The following CD2AP variants were observed in gnomAD, a reference collection of about 807,000 sequenced individuals.
CD2AP encodes CD2 associated protein.
Under a neutral mutation model 85.1 loss-of-function variants are expected in CD2AP, and 46 were observed. The ratio of observed to expected loss-of-function variants is 0.54; its 90% confidence interval spans 0.43 to 0.69. The LOEUF is 0.69. Among genes scored for constraint, CD2AP ranks in the 30% least tolerant of loss-of-function variants. The probability of loss-of-function intolerance (pLI) is 0.00; values close to 1 mark genes in which losing one functional copy is unlikely to be tolerated. For missense variants in CD2AP, 769 were observed against 729.5 expected (o/e 1.05, Z -0.62); for synonymous variants, 255 against 252.9 (o/e 1.01, Z -0.08).
intron 13 of CD2AP, among the ~76,000 whole-genome samples, chr6:47,603,409 T>C (rs185326860): frequency 4.9e-4 from 75 of 152,184 alleles, no homozygotes; most frequent in African/African-American, 1.7e-3. Flanking sequence ...GATTTAGTTA[T>C]AACTACATTA....
chr6:47,564,320 A>AGT (rs146402480), intron 5 of CD2AP, among the ~76,000 whole-genome samples: 2,966 of 152,252 alleles, frequency 0.019, 93 homozygotes, highest in African/African-American at 0.066. Flanking sequence ...AAAGCATATG[A>AGT]GTGAAATGAT....
At chr6:47,599,557 TA>T (rs1179910796) in intron 13 of CD2AP, 114 bp downstream of exon 13, 1 of 950,606 alleles carries the variant, frequency 1.1e-6, no homozygotes, top group East Asian at 2.6e-5. Flanking sequence ...AAGTTGAAAT[TA>T]CACAGTTGAA....
intron 1 of CD2AP, among the ~76,000 whole-genome samples, chr6:47,487,265 A>T (rs532358420): frequency 2.6e-5 from 4 of 152,334 alleles, no homozygotes; most frequent in African/African-American, 9.6e-5. Flanking sequence ...TGTCAAATGG[A>T]AATAAAAGGC....
At chr6:47,587,645 C>G (rs1275361444) in intron 11 of CD2AP, among the ~76,000 whole-genome samples, 2 of 152,076 alleles carry the variant, frequency 1.3e-5, no homozygotes, top group African/African-American at 4.8e-5. Context: ...AGATACTCAT[C>G]ATGTCATTGG....
At chr6:47,512,735 A>T (rs933205380) in intron 2 of CD2AP, among the ~76,000 whole-genome samples, 1 of 152,210 alleles carries the variant, frequency 6.6e-6, no homozygotes, top group Non-Finnish European at 1.5e-5. Context: ...AACATTACAG[A>T]TGAGATTGAG....
intron 3 of CD2AP, 136 bp from the exon 4 acceptor site, chr6:47,544,470 A>AT (rs1767313839): frequency 1.6e-6 from 1 of 638,586 alleles, no homozygotes; most frequent in South Asian, 2.0e-5. Context: ...GCTGATTGTG[A>AT]TTAGCTGTTT....
chr6:47,543,148 CAAAAAAA>C (rs11338409), intron 3 of CD2AP, among the ~76,000 whole-genome samples: 16 of 60,336 alleles, frequency 2.7e-4, no homozygotes, highest in African/African-American at 7.0e-4. Context: ...AAGACTGTCT[CAAAAAAA>C]AAAAAAAAAA....
chr6:47,521,609 T>C (rs1220629695), intron 2 of CD2AP, among the ~76,000 whole-genome samples: 1 of 152,196 alleles, frequency 6.6e-6, no homozygotes, highest in Admixed American at 6.5e-5. Context: ...AGCTAGTGTT[T>C]GGAAAAGTTT....
chr6:47,571,041 G>C (rs1187900501), intron 5 of CD2AP, among the ~76,000 whole-genome samples: 1 of 150,610 alleles, frequency 6.6e-6, no homozygotes, highest in East Asian at 1.9e-4. Context: ...TTTGTTTTAT[G>C]GCCTTAATCA....
chr6:47,544,796 G>T, intron 4 of CD2AP, 90 bp downstream of exon 4: 1 of 801,544 alleles, frequency 1.2e-6, no homozygotes, highest in South Asian at 1.5e-5. Context: ...TTAGTCTTTT[G>T]TGAGAACTGT....
At chr6:47,505,905 C>T (rs1200906896) in intron 2 of CD2AP, among the ~76,000 whole-genome samples, 1 of 115,506 alleles carries the variant, frequency 8.7e-6, no homozygotes, top group African/African-American at 3.5e-5. Context: ...GGGGCTGACC[C>T]CCCCCACCTC....
rs1019853467 is a variant in CD2AP, at chr6:47,624,992, T to G, written c.*765T>G. The G allele has an allele frequency of 1.6e-4, 25 of 151,960 alleles. No homozygotes were observed. Among genetic ancestry groups the G allele is most frequent in the African/African-American group, 6.0e-4 (25 of 41,428 alleles). The allele number at this position is 151,960 out of a possible 1,614,324, so 9.4% of individuals were successfully genotyped here. On this transcript the variant is annotated 3_prime_UTR_variant, in exon 18 of 18. Transcript: ENST00000359314. ...GGATTGTTAAACATTTGGGGAAATA[T>G]GAACTGTATTTTAAATTTGTTAGGT...
At chr6:47,520,657 T>TTA (rs1284197661) in intron 2 of CD2AP, among the ~76,000 whole-genome samples, 3 of 151,766 alleles carry the variant, frequency 2.0e-5, no homozygotes, top group Non-Finnish European at 4.4e-5. Flanking sequence ...GGGCGCCTTA[T>TTA]TATAGCCTGA....
At chr6:47,547,582 G>A (rs1323923017) in intron 4 of CD2AP, among the ~76,000 whole-genome samples, 2 of 151,828 alleles carry the variant, frequency 1.3e-5, no homozygotes, top group East Asian at 1.9e-4. Context: ...TAATAGTGGG[G>A]GACTTCAATA....
rs1193168114 is a variant in CD2AP at position 47,532,345 on chromosome 6, G to GA, written c.166-1244dup. Among the ~76,000 whole-genome samples, 181 of 72,520 alleles carry GA rather than the reference G, an allele frequency of 2.5e-3. 1 individual carries two copies. Among genetic ancestry groups the GA allele is most frequent in the Middle Eastern group, 7.8e-3 (1 of 128 alleles). The allele number at this position is 72,520 out of a possible 152,430, so 47.6% of individuals were successfully genotyped here. Reference sequence around the variant, plus strand: ...GTAACAGAGGGAGACCTTGTCTGAAGAAAAAAAAAAAAAGTATATATATAT... The same window carrying GA: ...GTAACAGAGGGAGACCTTGTCTGAAGAAAAAAAAAAAAAAGTATATATATAT... On this transcript the variant is annotated intron_variant, in intron 2 of 17. Coordinates refer to ENST00000359314, the MANE Select transcript of CD2AP (RefSeq NM_012120.3).
Position 47,620,527 on chromosome 6 carries a change from C to T in CD2AP, c.1879-3659C>T, listed in dbSNP as rs180809099. The stretch of plus-strand genomic sequence containing the variant: ...TTTCCTTAGTCTTGCTTTGGCTATG[C>T]GGGCTCTTTTTTTGATTCCTAATGA... On this transcript the variant is annotated intron_variant, in intron 17 of 17. Transcript: ENST00000359314. 4.6e-5 allele frequency among the ~76,000 whole-genome samples: 7 copies of T among 152,136 alleles called. No individual in the cohort carries two copies. In the East Asian group the frequency reaches 7.7e-4, roughly 17 times the overall value.
rs1769851188 is a variant in CD2AP at position 47,624,553 on chromosome 6, T to A, written c.*326T>A. On this transcript the variant is annotated 3_prime_UTR_variant, in exon 18 of 18. Coordinates refer to ENST00000359314, the MANE Select transcript of CD2AP (RefSeq NM_012120.3). ...GAAACTTGTATTATTTTTAAAGAGA[T>A]CTATACTATAAATATGGTGATATAT... 1 of 280,838 alleles carries A rather than the reference T, an allele frequency of 3.6e-6. No homozygotes were observed. The allele number at this position is 280,838 out of a possible 1,614,324, so 17.4% of individuals were successfully genotyped here.
chr6:47,612,783 T>A (rs1769484277), intron 17 of CD2AP, among the ~76,000 whole-genome samples: 2 of 152,112 alleles, frequency 1.3e-5, no homozygotes, highest in South Asian at 4.1e-4. Flanking sequence ...CCCACTTATT[T>A]GTGGGAGCTA....
chr6:47,589,187 A>G (rs1305686321), intron 11 of CD2AP, among the ~76,000 whole-genome samples: 3 of 152,028 alleles, frequency 2.0e-5, no homozygotes, highest in Admixed American at 6.6e-5. Flanking sequence ...TTGATACGAA[A>G]TATTGGCTGA....
Sources: gnomAD v4.1 joint callset for allele counts (sites outside exome capture counted in the v4.1 genomes callset) on GRCh38, gnomAD v4.1.1 for gene constraint, MANE v1.5 for transcripts, NCBI Gene and HGNC (gene_info 2026-07-23, HGNC 2026-07-21) for gene names.